SH3KBP1: variants seen among roughly 807,000 people sequenced by gnomAD.
The protein encoded by SH3KBP1 is SH3 domain containing kinase binding protein 1.
Under a neutral mutation model 50.1 loss-of-function variants are expected in SH3KBP1, and 8 were observed. That is an observed-to-expected ratio of 0.16 (90% CI 0.09 to 0.29). The LOEUF is 0.29. Ranked by LOEUF, SH3KBP1 falls within the 10% of genes least tolerant of loss-of-function variation. The probability of loss-of-function intolerance (pLI) is 1.00; values close to 1 mark genes in which losing one functional copy is unlikely to be tolerated. For synonymous variants in SH3KBP1, 227 were observed against 218.6 expected (o/e 1.04, Z -0.34); for missense variants, 377 against 535.2 (o/e 0.70, Z 2.92).
intron 9 of SH3KBP1, among the ~76,000 whole-genome samples, chrX:19,605,167 C>G (rs904680977): frequency 3.6e-5 from 4 of 109,794 alleles, no homozygotes; most frequent in African/African-American, 1.3e-4. Flanking sequence ...AATTTACTGC[C>G]CCCCCCCAAG....
intron 1 of SH3KBP1, among the ~76,000 whole-genome samples, chrX:19,839,713 G>C (rs966255669): frequency 4.4e-5 from 5 of 112,389 alleles, no homozygotes; most frequent in African/African-American, 1.6e-4. Context: ...CACCTTCCAA[G>C]CTCTTCTAGA....
At chrX:19,574,538 G>A (rs1251454310) in intron 12 of SH3KBP1, among the ~76,000 whole-genome samples, 1 of 112,583 alleles carries the variant, frequency 8.9e-6, no homozygotes, top group African/African-American at 3.2e-5. Context: ...TGTCTGGTGA[G>A]GACCCAGCTT....
At chrX:19,598,854 A>G in intron 9 of SH3KBP1, among the ~76,000 whole-genome samples, 1 of 111,961 alleles carries the variant, frequency 8.9e-6, no homozygotes, top group Non-Finnish European at 1.9e-5. Flanking sequence ...TAACAGGTAT[A>G]ATAATAATAA....
intron 9 of SH3KBP1, among the ~76,000 whole-genome samples, chrX:19,599,917 G>A (rs1282661672): frequency 8.2e-5 from 9 of 109,893 alleles, no homozygotes; most frequent in African/African-American, 3.0e-4. Context: ...GGAGGCAGAG[G>A]CGGGCAGATC....
chrX:19,641,156 A>G (rs2061846912), intron 7 of SH3KBP1, among the ~76,000 whole-genome samples: 1 of 112,036 alleles, frequency 8.9e-6, no homozygotes, highest in African/African-American at 3.3e-5. Context: ...TCCACTGGTA[A>G]CAGTCTTAGG....
intron 1 of SH3KBP1, among the ~76,000 whole-genome samples, chrX:19,838,059 A>AAACAACAACAACAAC (rs60326622): frequency 9.9e-6 from 1 of 100,687 alleles, no homozygotes; most frequent in Non-Finnish European, 1.9e-5. Context: ...CAAATGAGTA[A>AAACAACAACAACAAC]AACAACAACA....
intron 2 of SH3KBP1, among the ~76,000 whole-genome samples, chrX:19,824,470 C>T (rs2147353713): frequency 9.0e-6 from 1 of 111,188 alleles, no homozygotes; most frequent in Admixed American, 9.6e-5. Flanking sequence ...TATCCCTACT[C>T]CTGCCCCCAA....
At chrX:19,826,747 T>C (rs866563103) in intron 2 of SH3KBP1, among the ~76,000 whole-genome samples, 1 of 101,311 alleles carries the variant, frequency 9.9e-6, no homozygotes, top group Non-Finnish European at 2.0e-5. Flanking sequence ...TAACATAACA[T>C]AACACACCCA....
chrX:19,653,023 C>G (rs1305407819), intron 6 of SH3KBP1, among the ~76,000 whole-genome samples: 4 of 111,686 alleles, frequency 3.6e-5, no homozygotes, highest in Non-Finnish European at 5.7e-5. Context: ...GGGTCTTGCT[C>G]TGATTCAGGC....
At chrX:19,698,808 A>C (rs1462490520) in intron 4 of SH3KBP1, among the ~76,000 whole-genome samples, 1 of 112,106 alleles carries the variant, frequency 8.9e-6, no homozygotes, top group Non-Finnish European at 1.9e-5. Flanking sequence ...AAAGACGAGG[A>C]CACGGACACT....
At chrX:19,882,096 C>T (rs1235318709) in intron 1 of SH3KBP1, among the ~76,000 whole-genome samples, 3 of 111,060 alleles carry the variant, frequency 2.7e-5, no homozygotes, top group South Asian at 3.8e-4. Flanking sequence ...AACTTTAAGG[C>T]GGCTTTATTA....
intron 6 of SH3KBP1, among the ~76,000 whole-genome samples, chrX:19,672,571 A>G (rs2062824133): frequency 8.9e-6 from 1 of 112,244 alleles, no homozygotes; most frequent in Non-Finnish European, 1.9e-5. Flanking sequence ...ACTTCAGACA[A>G]ATGCTTATTT....
At chrX:19,709,362 G>C (rs887779601) in intron 3 of SH3KBP1, among the ~76,000 whole-genome samples, 3 of 111,511 alleles carry the variant, frequency 2.7e-5, no homozygotes, top group Admixed American at 9.5e-5. Context: ...CTCGCACTGG[G>C]ATAGCTCACA....
chrX:19,546,480 C>G (rs950955639), intron 14 of SH3KBP1, among the ~76,000 whole-genome samples: 1 of 112,436 alleles, frequency 8.9e-6, no homozygotes, highest in African/African-American at 3.2e-5. Context: ...AGAGGCTGCT[C>G]TAATCTGCCT....
rs148095926 is a variant in SH3KBP1 at position 19,616,446 on chromosome X, T to C, written c.898-8401A>G. Among the ~76,000 whole-genome samples the C allele has an allele frequency of 1.2e-4, 14 of 112,193 alleles. No individual in the cohort carries two copies. In the East Asian group the frequency reaches 3.9e-3, roughly 31 times the overall value. On this transcript the variant is annotated intron_variant, in intron 8 of 17. Transcript: ENST00000397821. ...GGGTGGATAACACACAAAAAAACAG[T>C]AAACACATTTCCTCTTGGGGATGCC...
intron 8 of SH3KBP1, among the ~76,000 whole-genome samples, chrX:19,618,282 G>A (rs1299716178): frequency 9.3e-6 from 1 of 107,673 alleles, no homozygotes; most frequent in Non-Finnish European, 1.9e-5. Flanking sequence ...TACTCAGAAG[G>A]CTGAGGTAGG....
chrX:19,854,013 C>T (rs1441950919), intron 1 of SH3KBP1, among the ~76,000 whole-genome samples: 16 of 110,911 alleles, frequency 1.4e-4, no homozygotes, highest in Non-Finnish European at 2.7e-4. Flanking sequence ...CTCTCTAGAA[C>T]ACTGTCCTCA....
At chrX:19,603,369 C>G (rs1314949215) in intron 9 of SH3KBP1, among the ~76,000 whole-genome samples, 1 of 112,496 alleles carries the variant, frequency 8.9e-6, no homozygotes, top group Non-Finnish European at 1.9e-5. Context: ...GCAGGCAGAC[C>G]TCTGCGTTCC....
At chrX:19,537,942 G>T in intron 16 of SH3KBP1, among the ~76,000 whole-genome samples, 162 bp from the exon 17 acceptor site, 1 of 111,631 alleles carries the variant, frequency 9.0e-6, no homozygotes. Context: ...CTTAAAATTT[G>T]TTTCAGACAG....
Sources: gnomAD v4.1 joint callset for allele counts (sites outside exome capture counted in the v4.1 genomes callset) on GRCh38, gnomAD v4.1.1 for gene constraint, MANE v1.5 for transcripts, NCBI Gene and HGNC (gene_info 2026-07-23, HGNC 2026-07-21) for gene names.